SORCS2: variants seen among roughly 807,000 people sequenced by gnomAD.
SORCS2 encodes the protein VPS10 domain-containing receptor SorCS2.
In SORCS2, 100 loss-of-function variants were observed where a neutral mutation model predicts 141.6. The observed-to-expected ratio is 0.71, with a 90% CI of 0.60 to 0.83. SORCS2 has a LOEUF of 0.83. Ranked by LOEUF, SORCS2 falls within the 40% of genes least tolerant of loss-of-function variation. The pLI is 0.00. For missense variants in SORCS2, 1,646 were observed against 1,560.2 expected (o/e 1.05, Z -0.93); for synonymous variants, 789 against 676.9 (o/e 1.17, Z -2.57).
At chr4:7,221,231 G>A (rs147726467) in intron 1 of SORCS2, among the ~76,000 whole-genome samples, 6 of 151,210 alleles carry the variant, frequency 4.0e-5, no homozygotes, top group African/African-American at 1.5e-4. Context: ...GGAGTTATTC[G>A]CAGACTTTGG....
At chr4:7,194,272 G>C (rs892874263) in intron 1 of SORCS2, among the ~76,000 whole-genome samples, 1 of 152,144 alleles carries the variant, frequency 6.6e-6, no homozygotes, top group African/African-American at 2.4e-5. Context: ...TGCACTGGCA[G>C]TGGCATGGGT....
At chr4:7,621,016 G>T (rs898809228) in intron 3 of SORCS2, among the ~76,000 whole-genome samples, 2 of 148,622 alleles carry the variant, frequency 1.3e-5, no homozygotes, top group African/African-American at 2.6e-5. Context: ...GGCAGGCACG[G>T]GGGGGTTGCC....
intron 2 of SORCS2, among the ~76,000 whole-genome samples, chr4:7,492,748 T>C (rs1271748158): frequency 6.6e-6 from 1 of 152,238 alleles, no homozygotes. Context: ...AATGAATGTT[T>C]TATTTAATAA....
intron 1 of SORCS2, among the ~76,000 whole-genome samples, chr4:7,360,879 C>T (rs1721543260): frequency 6.6e-6 from 1 of 151,940 alleles, no homozygotes. Flanking sequence ...CCCGGCCCGC[C>T]CAGTCCCTTC....
chr4:7,614,342 G>A (rs1718614242), intron 3 of SORCS2, among the ~76,000 whole-genome samples: 1 of 140,300 alleles, frequency 7.1e-6, no homozygotes, highest in African/African-American at 2.7e-5. Flanking sequence ...CTCATCTACT[G>A]TTCATCCATC....
chr4:7,425,612 G>C (rs1301641825), intron 2 of SORCS2, among the ~76,000 whole-genome samples: 1 of 152,224 alleles, frequency 6.6e-6, no homozygotes, highest in African/African-American at 2.4e-5. Context: ...GCCGTCAAAT[G>C]GTTGTCAGGA....
chr4:7,488,206 C>T (rs975195128), intron 2 of SORCS2, among the ~76,000 whole-genome samples: 1 of 152,226 alleles, frequency 6.6e-6, no homozygotes, highest in Non-Finnish European at 1.5e-5. Flanking sequence ...GCTGTCTGCT[C>T]TCCCCTGTCA....
At chr4:7,599,714 G>C (rs1717527424) in intron 3 of SORCS2, among the ~76,000 whole-genome samples, 1 of 152,172 alleles carries the variant, frequency 6.6e-6, no homozygotes, top group Non-Finnish European at 1.5e-5. Flanking sequence ...TGGATGACGA[G>C]GGGCTGTGAG....
chr4:7,621,967 G>C (rs921484575), intron 3 of SORCS2, among the ~76,000 whole-genome samples: 1 of 152,146 alleles, frequency 6.6e-6, no homozygotes, highest in African/African-American at 2.4e-5. Flanking sequence ...TGACAACAGC[G>C]CTGTGAGTTA....
rs1724066127 is a variant in SORCS2, at chr4:7,689,305, C to T, written c.1489-181C>T. On this transcript the variant is annotated intron_variant, in intron 10 of 26. Transcript: ENST00000507866. ...CTGCTGAAGCTTCCCTTGTACTTCCCACCCTTTCCCTAAAGGTCAGCCTCA... is the reference window on the plus strand; with the variant it reads ...CTGCTGAAGCTTCCCTTGTACTTCCTACCCTTTCCCTAAAGGTCAGCCTCA... Among the ~76,000 whole-genome samples the T allele has an allele frequency of 2.0e-5, 3 of 152,284 alleles. No individual in the cohort carries two copies. In the East Asian group the frequency reaches 5.8e-4, roughly 29 times the overall value.
chr4:7,606,406 T>C (rs533067783), intron 3 of SORCS2, among the ~76,000 whole-genome samples: 2 of 152,320 alleles, frequency 1.3e-5, no homozygotes, highest in Non-Finnish European at 2.9e-5. Context: ...GATTCCACTG[T>C]TGAAACAGTT....
chr4:7,697,385 C>G (rs1724781113), intron 12 of SORCS2, 111 bp downstream of exon 12: 1 of 934,496 alleles, frequency 1.1e-6, no homozygotes, highest in Non-Finnish European at 1.6e-6. Context: ...GGGAGAAGCT[C>G]TGAGCCATGT....
chr4:7,563,231 T>C (rs1265577903), intron 3 of SORCS2, among the ~76,000 whole-genome samples: 1 of 152,152 alleles, frequency 6.6e-6, no homozygotes, highest in Non-Finnish European at 1.5e-5. Flanking sequence ...TCTTCCTTTG[T>C]TGAGGGACTC....
At chr4:7,626,248 T>G (rs948643933) in intron 3 of SORCS2, among the ~76,000 whole-genome samples, 12 of 152,254 alleles carry the variant, frequency 7.9e-5, no homozygotes, top group African/African-American at 2.4e-4. Flanking sequence ...ACAGGTGTCT[T>G]GCTAACAGAC....
chr4:7,294,656 C>T (rs920199714), intron 1 of SORCS2, among the ~76,000 whole-genome samples: 1 of 136,588 alleles, frequency 7.3e-6, no homozygotes, highest in African/African-American at 2.8e-5. Context: ...TCCCCCTCTC[C>T]CTCTTCCTCT....
At chr4:7,269,785 G>T (rs1560153489) in intron 1 of SORCS2, among the ~76,000 whole-genome samples, 1 of 152,234 alleles carries the variant, frequency 6.6e-6, no homozygotes. Flanking sequence ...CTGGTGCCCA[G>T]AACTGTGATG....
In SORCS2 at chr4:7,664,874, T is replaced by G. The variant is rs866844530; in HGVS notation, c.1071+403T>G. Among the ~76,000 whole-genome samples, 16 of 152,286 alleles carry G rather than the reference T, an allele frequency of 1.1e-4. No homozygotes were observed. The highest frequency in any genetic ancestry group is 3.4e-3 in the Middle Eastern group (1 of 294). On this transcript the variant is annotated intron_variant, in intron 7 of 26. Transcript: ENST00000507866. This position sits in a 1 kb window ranked among gnomAD's most constrained non-coding sequence, Gnocchi z 4.7. Reference sequence around the variant, plus strand: ...GACCAGGACTCTGCTGCCTGTGCCCTCAGGTCACAAGTGGGCCCACCCTCA... The same window carrying G: ...GACCAGGACTCTGCTGCCTGTGCCCGCAGGTCACAAGTGGGCCCACCCTCA...
chr4:7,543,939 C>CCCATCCATCCACCCATCCAT (rs1713013765), intron 3 of SORCS2, among the ~76,000 whole-genome samples: 16 of 16,882 alleles, frequency 9.5e-4, no homozygotes, highest in African/African-American at 2.6e-3. Flanking sequence ...CACCCATCCA[C>CCCATCCATCCACCCATCCAT]CCATCCATCC....
At chr4:7,604,048 T>TGA (rs1445983188) in intron 3 of SORCS2, among the ~76,000 whole-genome samples, 1 of 152,204 alleles carries the variant, frequency 6.6e-6, no homozygotes, top group African/African-American at 2.4e-5. Flanking sequence ...ACGGTGTGTG[T>TGA]GACTGCTGTG....
Sources: allele counts gnomAD v4.1 joint callset (sites outside exome capture counted in the v4.1 genomes callset), GRCh38; gene constraint gnomAD v4.1.1; non-coding constraint Gnocchi (gnomAD v3.1); transcripts MANE v1.5; gene names NCBI Gene and HGNC (gene_info 2026-07-23, HGNC 2026-07-21).